GPC6: variants seen among roughly 807,000 people sequenced by gnomAD.
The protein encoded by GPC6 is glypican 6.
Under a neutral mutation model 55.2 loss-of-function variants are expected in GPC6, and 14 were observed. The observed-to-expected ratio is 0.25, with a 90% CI of 0.17 to 0.40. GPC6 has a LOEUF of 0.40. Ranked by LOEUF, GPC6 falls within the 10% of genes least tolerant of loss-of-function variation. The pLI, the probability that GPC6 is intolerant of heterozygous loss-of-function variation, is 1.00. For missense variants in GPC6, 641 were observed against 708.5 expected (o/e 0.90, Z 1.08); for synonymous variants, 278 against 259.6 (o/e 1.07, Z -0.68).
At chr13:93,769,434 A>C (rs1172672515) in intron 2 of GPC6, among the ~76,000 whole-genome samples, 1 of 30,792 alleles carries the variant, frequency 3.2e-5, no homozygotes, top group Non-Finnish European at 1.3e-4. Context: ...TGCACGTGAC[A>C]AAAAAAAAAA....
At chr13:93,673,545 G>T (rs1023668097) in intron 2 of GPC6, among the ~76,000 whole-genome samples, 9 of 152,032 alleles carry the variant, frequency 5.9e-5, no homozygotes, top group African/African-American at 1.9e-4. Flanking sequence ...TTCCTTCTGG[G>T]ATTATATAAC....
intron 4 of GPC6, among the ~76,000 whole-genome samples, chr13:94,067,624 C>T (rs796996622): frequency 9.0e-4 from 124 of 137,678 alleles, no homozygotes; most frequent in East Asian, 3.0e-3. Flanking sequence ...GATAGATAGA[C>T]AGACAGACAG....
chr13:93,401,900 G>C (rs575454404), intron 1 of GPC6, among the ~76,000 whole-genome samples: 1 of 151,988 alleles, frequency 6.6e-6, no homozygotes, highest in Non-Finnish European at 1.5e-5. Context: ...TTAAGAATAA[G>C]GTTGGGGGAA....
intron 2 of GPC6, among the ~76,000 whole-genome samples, chr13:93,766,168 A>C (rs1244451935): frequency 6.6e-6 from 1 of 152,186 alleles, no homozygotes; most frequent in African/African-American, 2.4e-5. Context: ...AACTTTATAA[A>C]AATTTTCAGA....
intron 3 of GPC6, among the ~76,000 whole-genome samples, chr13:93,890,551 T>C (rs1875612944): frequency 6.6e-6 from 1 of 152,022 alleles, no homozygotes; most frequent in Non-Finnish European, 1.5e-5. Context: ...GGATAGTTTT[T>C]AGATGAAAAT....
chr13:94,220,193 A>C (rs1244727675), intron 4 of GPC6, among the ~76,000 whole-genome samples: 1 of 152,022 alleles, frequency 6.6e-6, no homozygotes, highest in Non-Finnish European at 1.5e-5. Flanking sequence ...TCACCAAACA[A>C]ACAGGCCCAG....
At chr13:94,057,284 C>T (rs1185449694) in intron 4 of GPC6, among the ~76,000 whole-genome samples, 1 of 152,154 alleles carries the variant, frequency 6.6e-6, no homozygotes, top group Non-Finnish European at 1.5e-5. Flanking sequence ...GTAATCTTAT[C>T]ATATGCAGAT....
intron 1 of GPC6, among the ~76,000 whole-genome samples, chr13:93,433,821 T>C (rs2139278148): frequency 6.6e-6 from 1 of 152,190 alleles, no homozygotes; most frequent in East Asian, 1.9e-4. Context: ...TAGCAGATTA[T>C]AGGACATGAA....
At chr13:93,749,866 C>A (rs1213229056) in intron 2 of GPC6, among the ~76,000 whole-genome samples, 2 of 152,068 alleles carry the variant, frequency 1.3e-5, no homozygotes, top group African/African-American at 4.8e-5. Flanking sequence ...GGATTAAAAT[C>A]ACTATATTTT....
At chr13:93,503,356 T>C (rs1880590891) in intron 1 of GPC6, among the ~76,000 whole-genome samples, 1 of 152,210 alleles carries the variant, frequency 6.6e-6, no homozygotes, top group African/African-American at 2.4e-5. Context: ...AGCACAATTT[T>C]CTATAAAGGA....
intron 4 of GPC6, among the ~76,000 whole-genome samples, chr13:94,253,003 G>C (rs910916933): frequency 6.6e-6 from 1 of 151,472 alleles, no homozygotes; most frequent in Non-Finnish European, 1.5e-5. Context: ...CTTCAGTAAA[G>C]TTTAGACTGG....
chr13:93,943,934 G>T (rs2140365871), intron 3 of GPC6, among the ~76,000 whole-genome samples: 1 of 152,262 alleles, frequency 6.6e-6, no homozygotes, highest in Admixed American at 6.5e-5. Context: ...AATGGTGCAT[G>T]ATTTTTTTTC....
intron 5 of GPC6, among the ~76,000 whole-genome samples, chr13:94,288,106 C>T (rs1242067912): frequency 2.2e-4 from 33 of 152,224 alleles, no homozygotes; most frequent in Non-Finnish European, 1.5e-5. Flanking sequence ...CATTCCAGCC[C>T]TCAGTAAGCT....
intron 4 of GPC6, among the ~76,000 whole-genome samples, chr13:94,211,115 CA>C (rs1890062848): frequency 6.6e-6 from 1 of 152,154 alleles, no homozygotes; most frequent in Non-Finnish European, 1.5e-5. Context: ...TACTTATATT[CA>C]AAACTGTCAT....
At chr13:94,378,119 T>C (rs953959507) in intron 6 of GPC6, among the ~76,000 whole-genome samples, 18 of 152,174 alleles carry the variant, frequency 1.2e-4, no homozygotes, top group East Asian at 3.9e-4. Flanking sequence ...GTGGGTGCAG[T>C]GCACCAGCAT....
At chr13:93,566,812 C>T (rs1312200905) in intron 2 of GPC6, among the ~76,000 whole-genome samples, 2 of 151,926 alleles carry the variant, frequency 1.3e-5, no homozygotes, top group Non-Finnish European at 2.9e-5. Flanking sequence ...AGAACATGTA[C>T]TGTTTGGTTT....
At chr13:93,565,410 T>A (rs1876048726) in intron 2 of GPC6, among the ~76,000 whole-genome samples, 1 of 152,218 alleles carries the variant, frequency 6.6e-6, no homozygotes, top group Non-Finnish European at 1.5e-5. Context: ...GTTTCTTGGA[T>A]AAAGGAATAT....
intron 2 of GPC6, among the ~76,000 whole-genome samples, chr13:93,567,575 G>A (rs762404268): frequency 2.0e-5 from 3 of 151,616 alleles, no homozygotes; most frequent in Non-Finnish European, 2.9e-5. Context: ...TGCCCGCCTC[G>A]GCCTCCCAAA....
chr13:94,384,782 A>G (rs1350210292), intron 7 of GPC6, among the ~76,000 whole-genome samples: 1 of 152,130 alleles, frequency 6.6e-6, no homozygotes, highest in African/African-American at 2.4e-5. Flanking sequence ...TATTTTTTTT[A>G]TGGCAATACC....
Sources: gnomAD v4.1 joint callset for allele counts (sites outside exome capture counted in the v4.1 genomes callset) on GRCh38, gnomAD v4.1.1 for gene constraint, MANE v1.5 for transcripts, NCBI Gene and HGNC (gene_info 2026-07-23, HGNC 2026-07-21) for gene names.